The following ARSJ variants were observed in gnomAD, a reference collection of about 807,000 sequenced individuals.
ARSJ encodes the protein arylsulfatase J.
ARSJ carries 26 observed loss-of-function variants against 35.9 expected under a neutral mutation model. The observed-to-expected ratio is 0.72, with a 90% CI of 0.53 to 1.00. The LOEUF (loss-of-function observed/expected upper bound fraction) is 1.00. Among genes scored for constraint, ARSJ ranks in the 50% least tolerant of loss-of-function variants. The pLI, the probability that ARSJ is intolerant of heterozygous loss-of-function variation, is 0.00. For synonymous variants in ARSJ, 294 were observed against 267.6 expected, an observed-to-expected ratio of 1.10 and a Z score of -0.96; for missense variants, 667 against 723.6, an observed-to-expected ratio of 0.92 and a Z score of 0.90.
At chr4:113,905,660 ATTTTTTTTTTTTTTT>A (rs766150372) in intron 1 of ARSJ, among the ~76,000 whole-genome samples, 2 of 81,850 alleles carry the variant, frequency 2.4e-5, no homozygotes, top group African/African-American at 5.1e-5. Flanking sequence ...GTTCTTGATA[ATTTTTTTTTTTTTTT>A]TTTTTTTTTT....
At chr4:113,971,653 G>A (rs975857762) in intron 1 of ARSJ, among the ~76,000 whole-genome samples, 8 of 152,144 alleles carry the variant, frequency 5.3e-5, no homozygotes, top group African/African-American at 1.4e-4. Context: ...TCAAAGTAAG[G>A]CTTGAAGAAA....
At chr4:113,909,708 T>C (rs1319170947) in intron 1 of ARSJ, among the ~76,000 whole-genome samples, 1 of 152,130 alleles carries the variant, frequency 6.6e-6, no homozygotes, top group African/African-American at 2.4e-5. Flanking sequence ...AAACTGTGAG[T>C]CAATTAAACC....
chr4:113,977,000 T>C (rs945636284), intron 1 of ARSJ, among the ~76,000 whole-genome samples: 14 of 152,204 alleles, frequency 9.2e-5, no homozygotes, highest in African/African-American at 3.4e-4. Context: ...TAAATTCATA[T>C]AGTTCAGTTA....
chr4:113,957,386 CTT>C (rs565857977), intron 1 of ARSJ, among the ~76,000 whole-genome samples: 61 of 152,090 alleles, frequency 4.0e-4, no homozygotes, highest in Admixed American at 7.2e-4. Context: ...GAAAGAAACT[CTT>C]TATGCTTGCA....
chr4:113,971,439 A>G (rs1049278611), intron 1 of ARSJ, among the ~76,000 whole-genome samples: 3 of 152,212 alleles, frequency 2.0e-5, no homozygotes, highest in African/African-American at 7.2e-5. Context: ...GCTTTTTTTA[A>G]AGACTCTTTA....
rs1200440917 is a variant in ARSJ at position 113,978,426 on chromosome 4, G to A, written c.398+11C>T. On this transcript the variant is annotated intron_variant, in intron 1 of 1. Coordinates refer to ENST00000315366, the MANE Select transcript of ARSJ (RefSeq NM_024590.4). ...CTCCAAGGAATAAATATAAGAAGTA[G>A]GAACACTTACTTTCCAGTAATAAAC... 6.4e-7 allele frequency: 1 copy of A among 1,565,940 alleles called. No individual in the cohort carries two copies. The highest frequency in any genetic ancestry group is 1.4e-5 in the African/African-American group (1 of 73,132).
At chr4:113,936,472 T>C (rs1366749952) in intron 1 of ARSJ, among the ~76,000 whole-genome samples, 1 of 151,812 alleles carries the variant, frequency 6.6e-6, no homozygotes, top group Non-Finnish European at 1.5e-5. Flanking sequence ...AGAAAAATAG[T>C]TTTTCATTAA....
Position 113,978,971 on chromosome 4 carries a change from T to A in ARSJ, c.-137A>T. The A allele has an allele frequency of 4.5e-6, 4 of 894,930 alleles. No homozygotes were observed. The highest frequency in any genetic ancestry group is 6.7e-6 in the Non-Finnish European group (4 of 598,278). 55.4% of individuals were successfully genotyped at this position (894,930 alleles called of 1,614,324 possible). ...TCCTCTCCTCTCAGCTGTCACCATG[T>A]CCGACAACTTTAATCTTCCAGAAGT... is the stretch of plus-strand genomic sequence containing the variant. On this transcript the variant is annotated 5_prime_UTR_variant, in exon 1 of 2. Coordinates refer to ENST00000315366, the MANE Select transcript of ARSJ (RefSeq NM_024590.4).
chr4:113,977,904 C>T (rs1727687348), intron 1 of ARSJ, among the ~76,000 whole-genome samples: 1 of 152,076 alleles, frequency 6.6e-6, no homozygotes, highest in African/African-American at 2.4e-5. Flanking sequence ...TAGGGGGTCT[C>T]ATAAGAGAAA....
intron 1 of ARSJ, among the ~76,000 whole-genome samples, chr4:113,968,900 T>C (rs1231587011): frequency 1.3e-5 from 2 of 152,204 alleles, no homozygotes; most frequent in Non-Finnish European, 2.9e-5. Flanking sequence ...ATAGTGATAA[T>C]AGAGCACAGA....
Position 113,964,802 on chromosome 4 carries a change from C to T in ARSJ, c.398+13635G>A, listed in dbSNP as rs144137311. 3.3e-5 allele frequency among the ~76,000 whole-genome samples: 5 copies of T among 152,176 alleles called. No individual in the cohort carries two copies. In the East Asian group the frequency reaches 9.7e-4, roughly 29 times the overall value. ...GGAAACGCAGAACCAAGACCCCCAC[C>T]CTAGCCTTTCTGAAATATTAGGGTA... On this transcript the variant is annotated intron_variant, in intron 1 of 1. Transcript: ENST00000315366.
chr4:113,963,451 A>G (rs1726690081), intron 1 of ARSJ, among the ~76,000 whole-genome samples: 2 of 152,006 alleles, frequency 1.3e-5, no homozygotes. Flanking sequence ...AAAAGAGGGA[A>G]AAGCGCCTTA....
At position 113,903,370 on chromosome 4, in the gene ARSJ, C is replaced by A. The variant is rs1456548706; in HGVS notation, c.704G>T (p.Gly235Val). 2 of 1,613,988 alleles carry A rather than the reference C, an allele frequency of 1.2e-6. No individual in the cohort carries two copies. The highest frequency in any genetic ancestry group is 4.5e-5 in the East Asian group (2 of 44,896). ...NDNAAWDYDN[G>V]IYSTQMYTQR... ...AGTGTACATCTGTGTGGAGTATATG[C>A]CATTGTCATAGTCCCAGGCAGCATT... Residue 235 changes from glycine (G) to valine (V), a missense_variant, in exon 2 of 2, where the codon GGC becomes GTC. Coordinates refer to ENST00000315366, the MANE Select transcript of ARSJ (RefSeq NM_024590.4).
At chr4:113,976,464 T>C (rs905185346) in intron 1 of ARSJ, among the ~76,000 whole-genome samples, 1 of 152,208 alleles carries the variant, frequency 6.6e-6, no homozygotes, top group Non-Finnish European at 1.5e-5. Flanking sequence ...GTAATTTATA[T>C]ACTACTGCCC....
At position 113,901,707 on chromosome 4, in the gene ARSJ, A is replaced by ATG. The variant is rs1491172842; in HGVS notation, c.*566_*567insCA. Reference sequence around the variant, plus strand: ...AACAGCTTTTCACAGGAAAAGAAACATATATATATATATAAAATAGAATTA... The same window carrying ATG: ...AACAGCTTTTCACAGGAAAAGAAACATGTATATATATATATAAAATAGAATTA... On this transcript the variant is annotated 3_prime_UTR_variant, in exon 2 of 2. Coordinates refer to ENST00000315366, the MANE Select transcript of ARSJ (RefSeq NM_024590.4). 1 of 71,682 alleles carries ATG rather than the reference A, an allele frequency of 1.4e-5. No individual in the cohort carries two copies. Among genetic ancestry groups the ATG allele is most frequent in the Non-Finnish European group, 3.6e-5 (1 of 28,158 alleles). The allele number at this position is 71,682 out of a possible 1,614,324, so 4.4% of individuals were successfully genotyped here. A position where few individuals can be genotyped will look rare whatever the true frequency, so the allele number is the denominator to read the frequency against.
chr4:113,927,728 T>C (rs1394622274), intron 1 of ARSJ, among the ~76,000 whole-genome samples: 1 of 152,176 alleles, frequency 6.6e-6, no homozygotes, highest in East Asian at 1.9e-4. Context: ...GGAGAATCCA[T>C]TGTCATTCTC....
At chr4:113,921,938 T>A (rs988756957) in intron 1 of ARSJ, among the ~76,000 whole-genome samples, 30 of 152,122 alleles carry the variant, frequency 2.0e-4, no homozygotes, top group Admixed American at 9.8e-4. Context: ...TGTAAGGAAT[T>A]CTCAAATAGT....
At chr4:113,931,609 T>C (rs978816073) in intron 1 of ARSJ, among the ~76,000 whole-genome samples, 2 of 152,092 alleles carry the variant, frequency 1.3e-5, no homozygotes, top group Non-Finnish European at 2.9e-5. Context: ...TCAAATTATT[T>C]TGGAGTCCGG....
At chr4:113,952,659 G>A (rs1184447042) in intron 1 of ARSJ, among the ~76,000 whole-genome samples, 2 of 152,070 alleles carry the variant, frequency 1.3e-5, no homozygotes, top group African/African-American at 4.8e-5. Flanking sequence ...TGAGAACTAG[G>A]TACAGGAATG....
Sources: gnomAD v4.1 joint callset for allele counts (sites outside exome capture counted in the v4.1 genomes callset) on GRCh38, gnomAD v4.1.1 for gene constraint, MANE v1.5 for transcripts, NCBI Gene and HGNC (gene_info 2026-07-23, HGNC 2026-07-21) for gene names.